Variants in UBR4 observed in about 807,000 individuals in gnomAD.
UBR4 encodes the protein ubiquitin protein ligase E3 component n-recognin 4.
Under a neutral mutation model 575.6 loss-of-function variants are expected in UBR4, and 124 were observed. The ratio of observed to expected loss-of-function variants is 0.22; its 90% confidence interval spans 0.19 to 0.25. The LOEUF (loss-of-function observed/expected upper bound fraction) is 0.25. UBR4 is among the 10% of genes least tolerant of loss of function. The pLI, the probability that UBR4 is intolerant of heterozygous loss-of-function variation, is 1.00. For missense variants in UBR4, 4,818 were observed against 6,478.8 expected (o/e 0.74, Z 8.80); for synonymous variants, 2,455 against 2,473.7 (o/e 0.99, Z 0.22).
intron 20 of UBR4, 39 bp downstream of exon 20, chr1:19,176,553 T>A: frequency 6.2e-7 from 1 of 1,600,756 alleles, no homozygotes; most frequent in Non-Finnish European, 8.5e-7. Flanking sequence ...CCAATGAGAA[T>A]CAGTAAGTCA....
At chr1:19,133,242 T>C (rs943206207) in intron 60 of UBR4, among the ~76,000 whole-genome samples, 8 of 152,210 alleles carry the variant, frequency 5.3e-5, no homozygotes, top group East Asian at 1.9e-4. Context: ...GGCTTAATAA[T>C]AGAAAAATCA....
At chr1:19,166,632 T>G (rs1261241098) in intron 29 of UBR4, among the ~76,000 whole-genome samples, 1 of 145,424 alleles carries the variant, frequency 6.9e-6, no homozygotes, top group Non-Finnish European at 1.5e-5. Context: ...AATCCCAGCA[T>G]TTTGGGAGGC....
intron 85 of UBR4, 175 bp from the exon 86 acceptor site, chr1:19,104,841 C>T: frequency 1.8e-6 from 2 of 1,097,700 alleles, no homozygotes; most frequent in Non-Finnish European, 2.6e-6. Flanking sequence ...TAAGGGATTG[C>T]TTAAAAACTG....
chr1:19,151,527 G>C, intron 48 of UBR4, 116 bp downstream of exon 48: 1 of 1,137,420 alleles, frequency 8.8e-7, no homozygotes, highest in East Asian at 2.4e-5. Context: ...CTGATGAAAG[G>C]ACAGAAAAAT....
chr1:19,164,815 T>C lies in UBR4; in HGVS notation c.4495A>G (p.Ile1499Val), dbSNP rs1202306305. ...TTGTTCTACCTGTTTTCCCGAACAATGTATGTGGTCAGTAACTGCAGCAGC... is the reference window on the plus strand; with the variant it reads ...TTGTTCTACCTGTTTTCCCGAACAACGTATGTGGTCAGTAACTGCAGCAGC... ...RQLLQLLTTYIVRENSQVGEG... is the reference protein window; with the variant it reads ...RQLLQLLTTYVVRENSQVGEG... Residue 1499 changes from isoleucine (I) to valine (V), a missense_variant, in exon 32 of 106, where the codon ATT becomes GTT. Physicochemically the swap from Ile to Val is conservative, Grantham distance 29. Coordinates refer to ENST00000375254, the MANE Select transcript of UBR4 (RefSeq NM_020765.3). 5 of 1,614,092 alleles carry C rather than the reference T, an allele frequency of 3.1e-6. No homozygotes were observed. The highest frequency in any genetic ancestry group is 2.2e-5 in the East Asian group (1 of 44,882).
intron 1 of UBR4, among the ~76,000 whole-genome samples, chr1:19,204,475 A>G (rs1341691015): frequency 6.6e-6 from 1 of 152,010 alleles, no homozygotes; most frequent in Non-Finnish European, 1.5e-5. Flanking sequence ...CTGCCCACCC[A>G]AAGGATGGAC....
intron 60 of UBR4, among the ~76,000 whole-genome samples, chr1:19,132,784 A>C (rs2082699501): frequency 6.6e-6 from 1 of 152,022 alleles, no homozygotes; most frequent in African/African-American, 2.4e-5. Context: ...GAAAAAAAGC[A>C]AATCACTACA....
rs368766651 is a variant in UBR4 at position 19,093,900 on chromosome 1, C to T, written c.13937+49G>A. On this transcript the variant is annotated intron_variant, in intron 95 of 105. Coordinates refer to ENST00000375254, the MANE Select transcript of UBR4 (RefSeq NM_020765.3). The surrounding 1 kb of genome is among the most constrained non-coding windows in gnomAD (Gnocchi z 4.8). Reference sequence around the variant, plus strand: ...TCCTCATCTCACAGACCTAGTTCGGCGTTTTAGTGGAGACTCTCATTTCAC... The same window carrying T: ...TCCTCATCTCACAGACCTAGTTCGGTGTTTTAGTGGAGACTCTCATTTCAC... The T allele has an allele frequency of 3.2e-6, 5 of 1,568,308 alleles. No homozygotes were observed. Among genetic ancestry groups the T allele is most frequent in the Admixed American group, 1.8e-5 (1 of 56,552 alleles).
intron 29 of UBR4, 79 bp downstream of exon 29, chr1:19,166,943 T>A: frequency 6.7e-7 from 1 of 1,481,564 alleles, no homozygotes. Context: ...ATTAATGACC[T>A]AAAGGCAGCA....
Position 19,096,561 on chromosome 1 carries a change from C to T in UBR4, c.13480G>A (p.Gly4494Arg). Residue 4494 changes from glycine to arginine, a missense_variant, in exon 92 of 106, where the codon GGG becomes AGG. Transcript: ENST00000375254. ...CGTCCCTGCTTGAAATCTCTGATCC[C>T]TGCGAGTCTGTTAAGCATGCATTCC... ...GLECMLNRLA[G>R]IRDFKQGRHL... 6.2e-7 allele frequency: 1 copy of T among 1,613,564 alleles called. No individual in the cohort carries two copies. Among genetic ancestry groups the T allele is most frequent in the Non-Finnish European group, 8.5e-7 (1 of 1,179,816 alleles).
intron 81 of UBR4, 126 bp from the exon 82 acceptor site, chr1:19,107,092 G>A (rs943410482): frequency 1.5e-5 from 21 of 1,362,948 alleles, no homozygotes; most frequent in African/African-American, 2.9e-5. Context: ...GGATCAACAC[G>A]TGTATCTCTT....
chr1:19,197,908 C>T, intron 6 of UBR4, 39 bp downstream of exon 6: 5 of 1,612,744 alleles, frequency 3.1e-6, no homozygotes, highest in Non-Finnish European at 4.2e-6. Flanking sequence ...TTTTTGACAG[C>T]CCAGAAATCA....
At chr1:19,204,293 G>A (rs537977124) in intron 1 of UBR4, among the ~76,000 whole-genome samples, 13 of 152,130 alleles carry the variant, frequency 8.5e-5, no homozygotes, top group African/African-American at 2.6e-4. Flanking sequence ...GAGCCTCCAC[G>A]CCTGGCCCCA....
chr1:19,082,074 T>C (rs931427818), intron 102 of UBR4: 10 of 417,280 alleles, frequency 2.4e-5, no homozygotes, highest in Admixed American at 4.0e-5. Flanking sequence ...TTGCACTAAA[T>C]GTGCATGTGG....
chr1:19,145,885 C>G lies in UBR4; in HGVS notation c.7853G>C (p.Cys2618Ser), dbSNP rs747763152. ...CACAAGCTGGGTGATGAAACTACAG[C>G]AATCTCCTTCCAACTGCTTCTGCGG... The part of the protein sequence containing the change: ...KEPQKQLEGD[C>S]CSFITQLVNH... Residue 2618 changes from cysteine (C) to serine (S), a missense_variant, in exon 53 of 106, where the codon TGC becomes TCC. By Grantham distance (112) the Cys-to-Ser change is moderately radical. Transcript: ENST00000375254. 2.5e-6 allele frequency: 4 copies of G among 1,614,110 alleles called. No homozygotes were observed. In the African/African-American group the frequency reaches 4.0e-5, roughly 16 times the overall value.
intron 92 of UBR4, 104 bp from the exon 93 acceptor site, chr1:19,095,756 G>A: frequency 1.0e-6 from 1 of 1,000,288 alleles, no homozygotes; most frequent in Non-Finnish European, 1.5e-6. Flanking sequence ...CATCAGCAGG[G>A]GCTCCTCCTG....
chr1:19,138,961 A>T (rs760046653), intron 59 of UBR4, 122 bp downstream of exon 59: 5 of 1,252,004 alleles, frequency 4.0e-6, no homozygotes, highest in Non-Finnish European at 5.2e-6. Context: ...AGAGTCCACA[A>T]GACTTTCAAT....
intron 97 of UBR4, among the ~76,000 whole-genome samples, chr1:19,092,541 A>T (rs563289809): frequency 5.3e-5 from 8 of 152,298 alleles, no homozygotes; most frequent in Admixed American, 5.2e-4. Context: ...CTGTGGCCAG[A>T]CACCCAAGTG....
rs2092256626 is a variant in UBR4 at position 19,193,510 on chromosome 1, G to A, written c.1066C>T (p.Gln356Ter). Reference sequence around the variant, plus strand: ...CTCGTGGACCCTGTCCGCACTTGCTGGGCACTACCCACATGGAGGATGGCC... The same window carrying A: ...CTCGTGGACCCTGTCCGCACTTGCTAGGCACTACCCACATGGAGGATGGCC... ...CMAILHVGSA[Q>*]QVRTGSTSSK... The change falls in exon 9 of 106, where the codon CAG becomes TAG. Residue 356 changes from glutamine (Q) to a stop codon, truncating the protein, a stop_gained. Transcript: ENST00000375254. LOFTEE classifies it high-confidence loss of function. 2 of 1,614,070 alleles carry A rather than the reference G, an allele frequency of 1.2e-6. No homozygotes were observed. Among genetic ancestry groups the A allele is most frequent in the Non-Finnish European group, 1.7e-6 (2 of 1,179,994 alleles).
Sources: allele counts gnomAD v4.1 joint callset (sites outside exome capture counted in the v4.1 genomes callset), GRCh38; gene constraint gnomAD v4.1.1; non-coding constraint Gnocchi (gnomAD v3.1); transcripts MANE v1.5; gene names NCBI Gene and HGNC (gene_info 2026-07-23, HGNC 2026-07-21).